SPATA7: variants seen among roughly 807,000 people sequenced by gnomAD.
The protein encoded by SPATA7 is spermatogenesis associated 7, also known as spermatogenesis-associated protein 7.
In SPATA7, 43 loss-of-function variants were observed where a neutral mutation model predicts 51.8. The observed-to-expected ratio is 0.83, with a 90% CI of 0.65 to 1.07. The LOEUF is 1.07. Ranked by LOEUF, SPATA7 falls within the 50% of genes least tolerant of loss-of-function variation. The pLI is 0.00. For missense variants in SPATA7, 683 were observed against 701.3 expected (o/e 0.97, Z 0.30); for synonymous variants, 230 against 252.8 (o/e 0.91, Z 0.86).
intron 4 of SPATA7, among the ~76,000 whole-genome samples, chr14:88,461,396 G>A (rs904064920): frequency 3.9e-5 from 6 of 152,164 alleles, no homozygotes; most frequent in African/African-American, 1.4e-4. Flanking sequence ...ACCTACTCAA[G>A]CCTCAGCAAT....
At chr14:88,458,155 C>G (rs1376828560), downstream of SPATA7, among the ~76,000 whole-genome samples, 1 of 152,074 alleles carries the variant, frequency 6.6e-6, no homozygotes, top group African/African-American at 2.4e-5. Flanking sequence ...ATTTTTGCAT[C>G]AATGTTCATC....
At chr14:88,464,536 G>A (rs2077341365) in intron 4 of SPATA7, among the ~76,000 whole-genome samples, 1 of 152,028 alleles carries the variant, frequency 6.6e-6, no homozygotes, top group Admixed American at 6.6e-5. Flanking sequence ...TTCGAGACCA[G>A]CCTGGCCAAC....
intron 5 of SPATA7, among the ~76,000 whole-genome samples, chr14:88,423,471 A>C (rs2076701846): frequency 6.6e-6 from 1 of 151,664 alleles, no homozygotes; most frequent in Non-Finnish European, 1.5e-5. Flanking sequence ...CAGGCAGATT[A>C]ATTGAGCCCA....
chr14:88,454,117 T>C (rs569051985), intron 3 of SPATA7, among the ~76,000 whole-genome samples: 1 of 152,240 alleles, frequency 6.6e-6, no homozygotes, highest in South Asian at 2.1e-4. Flanking sequence ...CCACAAACAT[T>C]AAAAAACATA....
downstream of SPATA7, among the ~76,000 whole-genome samples, chr14:88,458,025 A>G (rs1176580333): frequency 6.6e-6 from 1 of 152,132 alleles, no homozygotes; most frequent in African/African-American, 2.4e-5. Context: ...ATGCTGGATT[A>G]CATTTATTGA....
intron 1 of SPATA7, chr14:88,386,112 A>C: frequency 2.5e-6 from 3 of 1,208,900 alleles, no homozygotes; most frequent in Non-Finnish European, 2.2e-6. Context: ...AGCCTTTAAA[A>C]CCTCAGTAGC....
At chr14:88,393,845 TG>T in intron 3 of SPATA7, among the ~76,000 whole-genome samples, 1 of 152,290 alleles carries the variant, frequency 6.6e-6, no homozygotes, top group Non-Finnish European at 1.5e-5. Context: ...TTTTTTCTTT[TG>T]TCAGCTTTAT....
chr14:88,450,666 C>A (rs1248427489), intron 3 of SPATA7, among the ~76,000 whole-genome samples: 3 of 152,180 alleles, frequency 2.0e-5, no homozygotes, highest in Non-Finnish European at 4.4e-5. Flanking sequence ...GAGAAATCTG[C>A]TATTAATCTG....
chr14:88,440,949 C>G (rs748575728), downstream of SPATA7, among the ~76,000 whole-genome samples: 2 of 152,026 alleles, frequency 1.3e-5, no homozygotes, highest in Non-Finnish European at 2.9e-5. Flanking sequence ...ACATTGTACC[C>G]AATGTGTAGT....
intron 2 of SPATA7, among the ~76,000 whole-genome samples, chr14:88,392,981 TGTA>T (rs2075783353): frequency 6.6e-6 from 1 of 152,154 alleles, no homozygotes. Context: ...ATATAATTTT[TGTA>T]TGTAGGGTTT....
chr14:88,432,589 G>A (rs114480211), intron 9 of SPATA7: 9 of 152,272 alleles, frequency 5.9e-5, no homozygotes, highest in African/African-American at 1.9e-4. Context: ...GTCTCCAAAC[G>A]TTTTGAGAGA....
chr14:88,443,680 G>A (rs2077193359), intron 3 of SPATA7, among the ~76,000 whole-genome samples: 1 of 146,786 alleles, frequency 6.8e-6, no homozygotes, highest in Admixed American at 7.0e-5. Flanking sequence ...TCCCTTTCCT[G>A]TGTCCATGTG....
chr14:88,422,545 T>C (rs1309402119), intron 5 of SPATA7, among the ~76,000 whole-genome samples: 2 of 149,154 alleles, frequency 1.3e-5, no homozygotes, highest in African/African-American at 4.9e-5. Context: ...ACAAATCATA[T>C]ATTTTAATAT....
chr14:88,408,040 G>A (rs1462077692), intron 4 of SPATA7, among the ~76,000 whole-genome samples: 4 of 152,154 alleles, frequency 2.6e-5, no homozygotes, highest in South Asian at 2.1e-4. Flanking sequence ...GTCAGGTAGT[G>A]TGATGCCTCC....
chr14:88,417,289 C>G lies in SPATA7; in HGVS notation c.372+445C>G, dbSNP rs778253691. ...GATGATATTATGATATAATTTTTCTCTTTTAATCTGTGGGGTTTTTTTTTT... is the reference window on the plus strand; with the variant it reads ...GATGATATTATGATATAATTTTTCTGTTTTAATCTGTGGGGTTTTTTTTTT... On this transcript the variant is annotated intron_variant, in intron 5 of 11. Transcript: ENST00000393545. 1.6e-3 allele frequency among the ~76,000 whole-genome samples: 204 copies of G among 130,450 alleles called. 1 individual carries two copies. Among genetic ancestry groups the G allele is most frequent in the Non-Finnish European group, 2.6e-3 (158 of 61,670 alleles). The allele number at this position is 130,450 out of a possible 152,430, so 85.6% of individuals were successfully genotyped here.
intron 9 of SPATA7, chr14:88,432,782 A>G (rs2076975022): frequency 1.1e-5 from 2 of 187,868 alleles, no homozygotes; most frequent in Non-Finnish European, 2.2e-5. Flanking sequence ...GCAAGAGGAA[A>G]TTTAAAACAT....
At chr14:88,427,606 A>G (rs375280286) in intron 6 of SPATA7, 24 bp from the exon 7 acceptor site, 378 of 1,522,080 alleles carry the variant, frequency 2.5e-4, no homozygotes, top group Non-Finnish European at 3.3e-4. Context: ...AGGATTAACA[A>G]TTATTTATTT....
intron 4 of SPATA7, among the ~76,000 whole-genome samples, chr14:88,412,031 A>G (rs112804371): frequency 0.035 from 5,386 of 152,140 alleles, 133 homozygotes; most frequent in South Asian, 0.1. Context: ...CACATCTACT[A>G]TTTTTTGACT....
At chr14:88,445,480 C>T (rs1057467716) in intron 3 of SPATA7, among the ~76,000 whole-genome samples, 2 of 152,118 alleles carry the variant, frequency 1.3e-5, no homozygotes, top group South Asian at 2.1e-4. Flanking sequence ...CCTTTATTTC[C>T]TTCTCCTGCC....
Sources: allele counts gnomAD v4.1 joint callset (sites outside exome capture counted in the v4.1 genomes callset), GRCh38; gene constraint gnomAD v4.1.1; transcripts MANE v1.5; gene names NCBI Gene and HGNC (gene_info 2026-07-23, HGNC 2026-07-21).